DSC3: variants seen among roughly 807,000 people sequenced by gnomAD.
DSC3 encodes desmocollin-3.
DSC3 carries 97 observed loss-of-function variants against 89.5 expected under a neutral mutation model. The observed-to-expected ratio is 1.08, with a 90% CI of 0.92 to 1.28. The LOEUF (loss-of-function observed/expected upper bound fraction) is 1.28. Among genes scored for constraint, DSC3 ranks in the 50% most tolerant of loss-of-function variants. The pLI, the probability that DSC3 is intolerant of heterozygous loss-of-function variation, is 0.00. For missense variants in DSC3, 1,199 were observed against 1,085.3 expected (o/e 1.10, Z -1.47); for synonymous variants, 436 against 384.1 (o/e 1.14, Z -1.58).
rs1269745948 is a variant in DSC3, at chr18:30,990,393, T to C, written c.*3782A>G. 2 of 152,210 alleles carry C rather than the reference T, an allele frequency of 1.3e-5. No individual in the cohort carries two copies. The highest frequency in any genetic ancestry group is 2.9e-5 in the Non-Finnish European group (2 of 68,026). The allele number at this position is 152,210 out of a possible 1,614,324, so 9.4% of individuals were successfully genotyped here. On this transcript the variant is annotated 3_prime_UTR_variant, in exon 16 of 16. Transcript: ENST00000360428. ...GACACGTGAAATGTATCCGGTATTTTACTATTACAAACAAAAATCCAATGA... is the reference window on the plus strand; with the variant it reads ...GACACGTGAAATGTATCCGGTATTTCACTATTACAAACAAAAATCCAATGA...
At chr18:31,012,925 T>C (rs188860457) in intron 9 of DSC3, among the ~76,000 whole-genome samples, 128 of 152,256 alleles carry the variant, frequency 8.4e-4, no homozygotes, top group African/African-American at 2.9e-3. Flanking sequence ...ACTCTTTCTA[T>C]GAAATTAATA....
In DSC3 at chr18:31,025,852, T is replaced by G. The variant is rs35296997; in HGVS notation, c.538A>C (p.Lys180Gln). ...ATATAAAACAAATTTAAAGGTTCTT[T>G]ATCAACTCCACGTCCACTTATTGAG... ...FYSISGRGVD[K>Q]EPLNLFYIER... Residue 180 changes from lysine to glutamine, a missense_variant, in exon 5 of 16, where the codon AAA becomes CAA. Coordinates refer to ENST00000360428, the MANE Select transcript of DSC3 (RefSeq NM_001941.5). 1.6e-3 allele frequency: 2,536 copies of G among 1,613,182 alleles called. 51 individuals are homozygous for G. In the African/African-American group the frequency reaches 0.031, roughly 20 times the overall value.
intron 9 of DSC3, among the ~76,000 whole-genome samples, chr18:31,009,194 G>A (rs1411036870): frequency 1.3e-5 from 2 of 152,036 alleles, no homozygotes; most frequent in Admixed American, 1.3e-4. Flanking sequence ...GGGACTACAG[G>A]CACGTGCCAC....
intron 12 of DSC3, among the ~76,000 whole-genome samples, chr18:31,005,821 C>A (rs969364423): frequency 6.6e-6 from 1 of 152,252 alleles, no homozygotes; most frequent in Non-Finnish European, 1.5e-5. Context: ...CATGGTGCCA[C>A]TCCTTCCAAT....
In DSC3 at chr18:30,991,856, AAAG is replaced by A. The variant is rs1247251415; in HGVS notation, c.*2316_*2318del. On this transcript the variant is annotated 3_prime_UTR_variant, in exon 16 of 16. Transcript: ENST00000360428. ...ACACATGTTCAAAATGATTACATTAAAAGAAGACGACTTTAAACGGAAAACAAG... is the reference window on the plus strand; with the variant it reads ...ACACATGTTCAAAATGATTACATTAAAAGACGACTTTAAACGGAAAACAAG... The A allele has an allele frequency of 6.6e-6, 1 of 152,174 alleles. No homozygotes were observed. The highest frequency in any genetic ancestry group is 1.5e-5 in the Non-Finnish European group (1 of 68,042). The allele number at this position is 152,174 out of a possible 1,614,324, so 9.4% of individuals were successfully genotyped here.
At chr18:31,021,861 A>G (rs1246328931) in intron 7 of DSC3, among the ~76,000 whole-genome samples, 1 of 152,176 alleles carries the variant, frequency 6.6e-6, no homozygotes, top group Non-Finnish European at 1.5e-5. Flanking sequence ...TAGATACATG[A>G]CAATATGCTA....
intron 14 of DSC3, among the ~76,000 whole-genome samples, chr18:30,999,510 C>T (rs990000620): frequency 6.0e-5 from 9 of 149,840 alleles, no homozygotes; most frequent in African/African-American, 2.2e-4. Context: ...TTGTAATAAA[C>T]ACAAGTTCAA....
chr18:30,992,687 G>C lies in DSC3; in HGVS notation c.*1488C>G, dbSNP rs1984310618. The C allele has an allele frequency of 6.6e-6, 1 of 152,212 alleles. No individual in the cohort carries two copies. The highest frequency in any genetic ancestry group is 2.1e-4 in the South Asian group (1 of 4,834). The allele number at this position is 152,212 out of a possible 1,614,324, so 9.4% of individuals were successfully genotyped here. ...GCTGCTTTCTCCCAAAGTTCCCTCTGTTCTAAAATGACAACTTGATCTTTT... is the reference window on the plus strand; with the variant it reads ...GCTGCTTTCTCCCAAAGTTCCCTCTCTTCTAAAATGACAACTTGATCTTTT... On this transcript the variant is annotated 3_prime_UTR_variant, in exon 16 of 16. Transcript: ENST00000360428.
At chr18:31,016,200 A>T (rs1012964632) in intron 9 of DSC3, among the ~76,000 whole-genome samples, 3 of 152,186 alleles carry the variant, frequency 2.0e-5, no homozygotes, top group African/African-American at 7.2e-5. Flanking sequence ...GAGTAGTTAT[A>T]AATACAGCTA....
At position 30,996,875 on chromosome 18, in the gene DSC3, G is replaced by A. The variant is rs758336635; in HGVS notation, c.2409C>T (p.Ser803=). 5.0e-6 allele frequency: 8 copies of A among 1,613,656 alleles called. No individual in the cohort carries two copies. In the East Asian group the frequency reaches 1.6e-4, roughly 31 times the overall value. The change falls in exon 15 of 16, where the codon TCC becomes TCT. Residue 803 remains serine, a synonymous_variant. Coordinates refer to ENST00000360428, the MANE Select transcript of DSC3 (RefSeq NM_001941.5). ...CCACCTCCGTGTGTCCTCCCCTGCA[G>A]GAGTCCAGGGTATGATGATGCCCAG... The part of the protein sequence containing the change: ...RGAGHHHTLD[S]CRGGHTEVDN...
intron 4 of DSC3, 83 bp downstream of exon 4, chr18:31,029,426 T>C: frequency 6.5e-7 from 1 of 1,531,230 alleles, no homozygotes; most frequent in South Asian, 1.1e-5. Context: ...TGTTTATTTT[T>C]ATATGTTTAA....
intron 12 of DSC3, among the ~76,000 whole-genome samples, chr18:31,004,703 A>T (rs1348176489): frequency 6.7e-6 from 1 of 148,960 alleles, no homozygotes; most frequent in Non-Finnish European, 1.5e-5. Flanking sequence ...ATGTATCTAC[A>T]GGTACACACA....
intron 6 of DSC3, among the ~76,000 whole-genome samples, chr18:31,022,715 C>T (rs1353766385): frequency 6.6e-6 from 1 of 152,090 alleles, no homozygotes; most frequent in Non-Finnish European, 1.5e-5. Context: ...TTAAGGTATA[C>T]TTTTGCTCAC....
chr18:31,042,386 A>G (rs1258951279), intron 1 of DSC3, among the ~76,000 whole-genome samples: 3 of 152,196 alleles, frequency 2.0e-5, no homozygotes, highest in African/African-American at 7.2e-5. Context: ...CTCAAAACAA[A>G]AAGCTCAGTC....
chr18:31,025,812 C>G lies in DSC3; in HGVS notation c.578G>C (p.Gly193Ala). The G allele has an allele frequency of 6.2e-7, 1 of 1,613,226 alleles. No homozygotes were observed. The highest frequency in any genetic ancestry group is 1.1e-5 in the South Asian group (1 of 91,042). Residue 193 changes from glycine to alanine, a missense_variant, in exon 5 of 16, where the codon GGA (glycine) becomes GCA (alanine). Transcript: ENST00000360428. ...CACAGGCCGAGTGCAAAATAGATTT[C>G]CAGTGTCTCTTTCTATATAAAACAA... ...LNLFYIERDT[G>A]NLFCTRPVDR...
chr18:30,989,930 T>TAAAAC lies in DSC3; in HGVS notation c.*4244_*4245insGTTTT, dbSNP rs1468659194. The TAAAAC allele has an allele frequency of 6.6e-6, 1 of 152,308 alleles. No individual in the cohort carries two copies. The highest frequency in any genetic ancestry group is 1.5e-5 in the Non-Finnish European group (1 of 68,048). 9.4% of individuals were successfully genotyped at this position (152,308 alleles called of 1,614,324 possible). A position where few individuals can be genotyped will look rare whatever the true frequency, so the allele number is the denominator to read the frequency against. On this transcript the variant is annotated 3_prime_UTR_variant, in exon 16 of 16. Transcript: ENST00000360428. Reference sequence around the variant, plus strand: ...TGCACGTGTATCCTGGAACTTAAAATAAAATAAGTGTTATCAATGTTCATT... The same window carrying TAAAAC: ...TGCACGTGTATCCTGGAACTTAAAATAAAACAAAATAAGTGTTATCAATGTTCATT...
chr18:31,026,115 C>A (rs1985590733), intron 4 of DSC3, among the ~76,000 whole-genome samples, 200 bp from the exon 5 acceptor site: 1 of 152,050 alleles, frequency 6.6e-6, no homozygotes, highest in South Asian at 2.1e-4. Context: ...TTGGAATGTA[C>A]CCTAGGAAGA....
rs1362499946 is a variant in DSC3 at position 30,994,212 on chromosome 18, T to G, written c.2654A>C (p.Lys885Thr). Reference sequence around the variant, plus strand: ...GCATGCTTCTGCTAATGTAATAAATTTGGGTTCCAAATTATTTAAAAAGTC... The same window carrying G: ...GCATGCTTCTGCTAATGTAATAAATGTGGGTTCCAAATTATTTAAAAAGTC... ...GLDFLNNLEP[K>T]FITLAEACTK... The change falls in exon 16 of 16, where the codon AAA becomes ACA. Residue 885 changes from lysine to threonine, a missense_variant. Physicochemically the swap from Lys to Thr is moderately conservative, Grantham distance 78. Coordinates refer to ENST00000360428, the MANE Select transcript of DSC3 (RefSeq NM_001941.5). 3 of 1,614,066 alleles carry G rather than the reference T, an allele frequency of 1.9e-6. No individual in the cohort carries two copies. In the South Asian group the frequency reaches 3.3e-5, roughly 18 times the overall value.
intron 14 of DSC3, among the ~76,000 whole-genome samples, chr18:30,997,536 T>G (rs1003163466): frequency 2.6e-5 from 4 of 152,120 alleles, no homozygotes; most frequent in African/African-American, 9.7e-5. Context: ...AGGTCTCACC[T>G]CTCAACACTG....
Sources: allele counts gnomAD v4.1 joint callset (sites outside exome capture counted in the v4.1 genomes callset), GRCh38; gene constraint gnomAD v4.1.1; transcripts MANE v1.5; gene names NCBI Gene and HGNC (gene_info 2026-07-23, HGNC 2026-07-21).